Variants in CDH15 observed in about 807,000 individuals in gnomAD.
CDH15 encodes the protein cadherin-15.
In CDH15, 73 loss-of-function variants were observed where a neutral mutation model predicts 69.4. The observed-to-expected ratio is 1.05, with a 90% confidence interval of 0.87 to 1.28. CDH15 has a LOEUF of 1.28. CDH15 is among the 50% of genes most tolerant of loss of function. The pLI is 0.00. For synonymous variants in CDH15, 624 were observed against 507.7 expected, an observed-to-expected ratio of 1.23 and a Z score of -3.08; for missense variants, 1,343 against 1,133.6, an observed-to-expected ratio of 1.18 and a Z score of -2.65.
chr16:89,194,852 C>G lies in CDH15; in HGVS notation c.2152-10C>G. ...TCCATGTGTCTTGAGCTCTCCGGGC[C>G]TCTTTATAGGGCTTGGAGGCTGCAG... On this transcript the variant is annotated splice_polypyrimidine_tract_variant and intron_variant, in intron 13 of 13. Transcript: ENST00000289746. The G allele has an allele frequency of 6.3e-7, 1 of 1,597,824 alleles. No homozygotes were observed. The highest frequency in any genetic ancestry group is 1.8e-4 in the Middle Eastern group (1 of 5,630).
chr16:89,179,639 T>G, intron 2 of CDH15, 65 bp downstream of exon 2: 1 of 1,471,926 alleles, frequency 6.8e-7, no homozygotes, highest in Non-Finnish European at 9.1e-7. Context: ...GCCTCCCTCA[T>G]TCTCTAAAGG....
chr16:89,185,835 A>G (rs1319733495), intron 5 of CDH15: 7 of 243,470 alleles, frequency 2.9e-5, no homozygotes, highest in Non-Finnish European at 5.0e-5. Context: ...CTAGGTGCCC[A>G]GCACAGAGTA....
chr16:89,174,470 G>A (rs953713218), intron 1 of CDH15, among the ~76,000 whole-genome samples: 25 of 152,220 alleles, frequency 1.6e-4, no homozygotes, highest in African/African-American at 3.9e-4. Context: ...TTCCCGTCTC[G>A]CAGTGGTGTT....
chr16:89,183,782 G>A (rs763869552), intron 4 of CDH15, 90 bp downstream of exon 4: 368 of 1,344,238 alleles, frequency 2.7e-4, no homozygotes, highest in Middle Eastern at 8.5e-4. Flanking sequence ...AATTCCAGAG[G>A]CCCCTCAGAG....
chr16:89,189,178 T>G, intron 7 of CDH15, among the ~76,000 whole-genome samples: 1 of 100,660 alleles, frequency 9.9e-6, no homozygotes, highest in African/African-American at 3.4e-5. Flanking sequence ...CACACACAGA[T>G]GCCGGCACAC....
In CDH15 at chr16:89,180,373, C is replaced by A; in HGVS notation, c.357+18C>A. On this transcript the variant is annotated intron_variant, in intron 3 of 13. Transcript: ENST00000289746. ...GCTTCAGGGTGCGGAGCTGCGTGGT[C>A]GGACCTGTGCCCCTCAAGCAGGCCT... 2 of 1,607,852 alleles carry A rather than the reference C, an allele frequency of 1.2e-6. No homozygotes were observed. The highest frequency in any genetic ancestry group is 1.7e-6 in the Non-Finnish European group (2 of 1,177,632).
chr16:89,177,734 G>A (rs1297520610), intron 1 of CDH15, among the ~76,000 whole-genome samples: 2 of 152,206 alleles, frequency 1.3e-5, no homozygotes, highest in Admixed American at 6.5e-5. Context: ...CCTGACCGGG[G>A]AGCTCGAGGG....
intron 6 of CDH15, among the ~76,000 whole-genome samples, chr16:89,187,788 C>T (rs1014945841): frequency 2.6e-5 from 4 of 152,198 alleles, no homozygotes; most frequent in African/African-American, 9.7e-5. Context: ...AGAAGCAGCC[C>T]ATGGGACCCT....
rs774622626 is a variant in CDH15, at chr16:89,183,543, AAC to A, written c.358-3_358-2del. The A allele has an allele frequency of 2.5e-6, 4 of 1,614,110 alleles. No homozygotes were observed. In the East Asian group the frequency reaches 8.9e-5, roughly 36 times the overall value. On this transcript the variant is annotated splice_polypyrimidine_tract_variant and splice_region_variant and intron_variant, in intron 3 of 13. Coordinates refer to ENST00000289746, the MANE Select transcript of CDH15 (RefSeq NM_004933.3). The stretch of plus-strand genomic sequence containing the variant: ...AGAGCCAGCCCTTGCTCTATGTTTG[AAC>A]AGCTAAGAGCGTTTGCCCTGGACCT...
chr16:89,177,576 GGGGAGAGGGCACAGGGGAT>G (rs1402798625), intron 1 of CDH15, among the ~76,000 whole-genome samples: 4 of 151,950 alleles, frequency 2.6e-5, no homozygotes, highest in South Asian at 2.1e-4. Flanking sequence ...CACAGGGGAC[GGGGAGAGGGCACAGGGGAT>G]GGGAGAGGGC....
Position 89,192,280 on chromosome 16 carries a change from C to T in CDH15, c.1691C>T (p.Ser564Leu). Residue 564 changes from serine to leucine, a missense_variant, in exon 11 of 14, where the codon TCG becomes TTG. By Grantham distance (145) the Ser-to-Leu change is moderately radical (BLOSUM62 -2). Transcript: ENST00000289746. Reference protein sequence around the residue: ...LHRLSLLLRDSGQPPQQREQP... With the variant: ...LHRLSLLLRDLGQPPQQREQP... ...CGCCTCAGCCTGCTGCTCCGGGACT[C>T]GGGGCAGCCGCCCCAGCAGCGCGAG... is the stretch of plus-strand genomic sequence containing the variant. The T allele has an allele frequency of 1.3e-6, 2 of 1,531,324 alleles. No homozygotes were observed. Among genetic ancestry groups the T allele is most frequent in the Non-Finnish European group, 1.7e-6 (2 of 1,145,430 alleles). The allele number at this position is 1,531,324 out of a possible 1,614,324, so 94.9% of individuals were successfully genotyped here. A position where few individuals can be genotyped will look rare whatever the true frequency, so the allele number is the denominator to read the frequency against.
At position 89,190,567 on chromosome 16, in the gene CDH15, T is replaced by A. The variant is rs1915616577; in HGVS notation, c.1232+71T>A. 5 of 1,531,726 alleles carry A rather than the reference T, an allele frequency of 3.3e-6. No homozygotes were observed. The African/African-American group carries it at 5.5e-5, about 17-fold the overall frequency. The allele number at this position is 1,531,726 out of a possible 1,614,324, so 94.9% of individuals were successfully genotyped here. A position where few individuals can be genotyped will look rare whatever the true frequency, so the allele number is the denominator to read the frequency against. On this transcript the variant is annotated intron_variant, in intron 8 of 13. Coordinates refer to ENST00000289746, the MANE Select transcript of CDH15 (RefSeq NM_004933.3). ...CCATTCCTGCTTCGGGTGCCCCTGA[T>A]CCCTGGGCTCTGAGGGTCAGAGGGT...
chr16:89,177,453 C>A (rs187346725), intron 1 of CDH15, among the ~76,000 whole-genome samples: 7 of 152,192 alleles, frequency 4.6e-5, no homozygotes, highest in African/African-American at 1.4e-4. Flanking sequence ...GCTAGGAGAG[C>A]GCTGTTGGGT....
intron 7 of CDH15, 70 bp from the exon 8 acceptor site, chr16:89,190,173 C>T: frequency 6.3e-7 from 1 of 1,574,804 alleles, no homozygotes; most frequent in Non-Finnish European, 8.6e-7. Context: ...GAGTGGCTCC[C>T]CCATGGCACC....
rs796557107 is a variant in CDH15, at chr16:89,186,725, A to G, written c.664-704A>G. Among the ~76,000 whole-genome samples the G allele has an allele frequency of 1.5e-4, 22 of 143,260 alleles. 1 individual carries two copies. The highest frequency in any genetic ancestry group is 5.5e-4 in the African/African-American group (21 of 38,108). 94.0% of individuals were successfully genotyped at this position (143,260 alleles called of 152,430 possible). A position where few individuals can be genotyped will look rare whatever the true frequency, so the allele number is the denominator to read the frequency against. ...ACCCAGCGCACAGTAGGTGCTCTGTAAAAGCTCACCCAGCGCACAGAAGGT... is the reference window on the plus strand; with the variant it reads ...ACCCAGCGCACAGTAGGTGCTCTGTGAAAGCTCACCCAGCGCACAGAAGGT... On this transcript the variant is annotated intron_variant, in intron 5 of 13. Transcript: ENST00000289746.
rs747858356 is a variant in CDH15, at chr16:89,191,776, A to C, written c.1497A>C (p.Pro499=). 5.0e-6 allele frequency: 8 copies of C among 1,606,328 alleles called. No individual in the cohort carries two copies. The East Asian group carries it at 6.7e-5, about 13-fold the overall frequency. Residue 499 remains proline (P), a synonymous_variant, in exon 10 of 14, where the codon CCA becomes CCC. Transcript: ENST00000289746. ...GSLCSEPHQG[P]GLLLGATDED... ...TGTGCAGCGAGCCACACCAAGGCCC[A>C]GGCCTCCTCCTGGGCGCCACGGATG...
intron 1 of CDH15, among the ~76,000 whole-genome samples, chr16:89,178,262 C>T (rs1049511817): frequency 6.6e-6 from 1 of 152,106 alleles, no homozygotes; most frequent in African/African-American, 2.4e-5. Context: ...GTCGTCCCGG[C>T]CCTGGAGTAG....
chr16:89,173,628 G>A (rs1436811875), intron 1 of CDH15, among the ~76,000 whole-genome samples: 2 of 152,222 alleles, frequency 1.3e-5, no homozygotes, highest in African/African-American at 4.8e-5. Flanking sequence ...CAGCAGCTCA[G>A]CTTTCAGGAC....
intron 1 of CDH15, among the ~76,000 whole-genome samples, chr16:89,173,261 TTTC>T (rs1915194516): frequency 6.6e-6 from 1 of 152,042 alleles, no homozygotes; most frequent in African/African-American, 2.4e-5. Context: ...GGGGACAGGG[TTTC>T]TTCCCTGGCA....
Sources: gnomAD v4.1 joint callset for allele counts (sites outside exome capture counted in the v4.1 genomes callset) on GRCh38, gnomAD v4.1.1 for gene constraint, MANE v1.5 for transcripts, NCBI Gene and HGNC (gene_info 2026-07-23, HGNC 2026-07-21) for gene names.